PALLD: variants seen among roughly 807,000 people sequenced by gnomAD.
PALLD encodes the protein palladin, cytoskeletal associated protein.
PALLD carries 61 observed loss-of-function variants against 123.5 expected under a neutral mutation model. That is an observed-to-expected ratio of 0.49 (90% CI 0.40 to 0.61). The LOEUF is 0.61. Ranked by LOEUF, PALLD falls within the 20% of genes least tolerant of loss-of-function variation. The pLI is 0.00. For synonymous variants in PALLD, 465 were observed against 496.4 expected, an observed-to-expected ratio of 0.94 and a Z score of 0.84; for missense variants, 1,273 against 1,377.0, an observed-to-expected ratio of 0.92 and a Z score of 1.20.
intron 10 of PALLD, among the ~76,000 whole-genome samples, chr4:168,833,206 T>C (rs1744577179): frequency 6.6e-6 from 1 of 151,986 alleles, no homozygotes; most frequent in African/African-American, 2.4e-5. Context: ...GCTTGGGACC[T>C]TTGCTCTCTT....
chr4:168,804,371 G>C (rs1452841564), intron 10 of PALLD, among the ~76,000 whole-genome samples: 1 of 152,198 alleles, frequency 6.6e-6, no homozygotes, highest in Non-Finnish European at 1.5e-5. Context: ...CAAGGAACAA[G>C]GAACTATAGG....
At chr4:168,863,967 A>T (rs1303906670) in intron 10 of PALLD, 3 of 152,232 alleles carry the variant, frequency 2.0e-5, no homozygotes, top group Non-Finnish European at 4.4e-5. Flanking sequence ...AAGAGATAAG[A>T]TCATGCCTAA....
rs186949859 is a variant in PALLD, at chr4:168,576,931, G to C, written c.908+64519G>C. On this transcript the variant is annotated intron_variant, in intron 2 of 21. Coordinates refer to ENST00000505667, the MANE Select transcript of PALLD (RefSeq NM_001166108.2). The stretch of plus-strand genomic sequence containing the variant: ...ATCATTAAAAAGTCAGGAAAAAACA[G>C]GTGCTGGAGAGGATGTGGAGAAATT... 2.7e-3 allele frequency among the ~76,000 whole-genome samples: 410 copies of C among 152,186 alleles called. 1 individual carries two copies. The highest frequency in any genetic ancestry group is 9.6e-3 in the African/African-American group (397 of 41,534).
rs369209196 is a variant in PALLD at position 168,499,676 on chromosome 4, A to C, written c.-83+2482A>C. Among the ~76,000 whole-genome samples the C allele has an allele frequency of 1.5e-3, 225 of 152,170 alleles. 1 individual carries two copies. Among genetic ancestry groups the C allele is most frequent in the African/African-American group, 4.9e-3 (204 of 41,506 alleles). On this transcript the variant is annotated intron_variant, in intron 1 of 21. Transcript: ENST00000505667. ...CTCCTACCCCTGCCTAAATCCCCCC[A>C]CAGAGGTCAGTGTTGATTGTTTGGT...
chr4:168,852,107 G>A (rs1451012987), intron 10 of PALLD, among the ~76,000 whole-genome samples: 7 of 152,154 alleles, frequency 4.6e-5, no homozygotes. Context: ...CACACCCCTT[G>A]CCCCATGCCA....
chr4:168,614,633 C>T (rs1323523412), intron 2 of PALLD, among the ~76,000 whole-genome samples: 1 of 152,124 alleles, frequency 6.6e-6, no homozygotes, highest in Non-Finnish European at 1.5e-5. Flanking sequence ...TCTCAGTGCT[C>T]ATGTAAACTT....
At chr4:168,715,837 C>G (rs1415446612) in intron 10 of PALLD, among the ~76,000 whole-genome samples, 3 of 152,062 alleles carry the variant, frequency 2.0e-5, no homozygotes, top group Admixed American at 2.0e-4. Context: ...GTAGTCCCAG[C>G]TACTCGGGAG....
intron 10 of PALLD, among the ~76,000 whole-genome samples, chr4:168,889,232 C>T (rs1753817691): frequency 1.3e-5 from 2 of 149,402 alleles, no homozygotes; most frequent in Admixed American, 6.7e-5. Context: ...GGTGCGACCT[C>T]GGCTCACTGC....
rs12644558 is a variant in PALLD at position 168,635,960 on chromosome 4, C to T, written c.909-32230C>T. 7.0e-3 allele frequency among the ~76,000 whole-genome samples: 1,063 copies of T among 152,304 alleles called. 12 individuals carry two copies. Among genetic ancestry groups the T allele is most frequent in the East Asian group, 0.06 (314 of 5,192 alleles). On this transcript the variant is annotated intron_variant, in intron 2 of 21. Transcript: ENST00000505667. ...GGAATTGAGGATCCTGGTTTTGCCA[C>T]TATGTGACCTTGAACCAGCTATTTA... is the stretch of plus-strand genomic sequence containing the variant.
chr4:168,594,988 T>G (rs2149702667), intron 2 of PALLD, among the ~76,000 whole-genome samples: 1 of 152,268 alleles, frequency 6.6e-6, no homozygotes, highest in African/African-American at 2.4e-5. Flanking sequence ...TTCATGTAAA[T>G]GAATTATCTG....
chr4:168,503,519 C>T lies in PALLD; in HGVS notation c.-83+6325C>T, dbSNP rs540370121. Among the ~76,000 whole-genome samples the T allele has an allele frequency of 1.3e-4, 19 of 151,806 alleles. 1 individual carries two copies. The East Asian group carries it at 3.3e-3, about 26-fold the overall frequency. On this transcript the variant is annotated intron_variant, in intron 1 of 21. Transcript: ENST00000505667. ...AAAATTAGCCGGGCATGGTGGTGGG[C>T]GCCTGTAGTCCCAGCTACTCAGGAG...
chr4:168,854,573 A>G (rs1748299233), intron 10 of PALLD, among the ~76,000 whole-genome samples: 3 of 152,194 alleles, frequency 2.0e-5, no homozygotes. Flanking sequence ...GGTCTCAAAG[A>G]GCAAGGGTTC....
At chr4:168,724,582 T>C (rs1786359844) in intron 10 of PALLD, among the ~76,000 whole-genome samples, 2 of 152,256 alleles carry the variant, frequency 1.3e-5, no homozygotes, top group Non-Finnish European at 2.9e-5. Flanking sequence ...TTAGATAGTA[T>C]GTCATTTGAT....
intron 10 of PALLD, among the ~76,000 whole-genome samples, chr4:168,765,256 G>A (rs572169014): frequency 6.6e-6 from 1 of 152,204 alleles, no homozygotes; most frequent in African/African-American, 2.4e-5. Context: ...AAGCGATGAT[G>A]CTGAAGGAGG....
At chr4:168,878,691 G>GT (rs1400419814) in intron 10 of PALLD, among the ~76,000 whole-genome samples, 3 of 149,760 alleles carry the variant, frequency 2.0e-5, no homozygotes, top group East Asian at 2.1e-4. Flanking sequence ...ATGGGGGGGG[G>GT]GGTGCTTAGC....
chr4:168,812,948 A>G (rs1347732886), intron 10 of PALLD, among the ~76,000 whole-genome samples: 1 of 151,332 alleles, frequency 6.6e-6, no homozygotes, highest in African/African-American at 2.4e-5. Context: ...GTGTAGATTC[A>G]TCAGCGAGAT....
At position 168,926,199 on chromosome 4, in the gene PALLD, C is replaced by CTT; in HGVS notation, c.*33-10_*33-9dup. The CTT allele has an allele frequency of 6.6e-7, 1 of 1,504,494 alleles. No homozygotes were observed. The highest frequency in any genetic ancestry group is 8.8e-7 in the Non-Finnish European group (1 of 1,131,048). 93.2% of individuals were successfully genotyped at this position (1,504,494 alleles called of 1,614,324 possible). ...TCTTGATTAAAAATCTTAATTTACT[C>CTT]TTTTTCTTTGTAGCCCAGTGGCATC... On this transcript the variant is annotated splice_polypyrimidine_tract_variant and intron_variant, in intron 21 of 21. Coordinates refer to ENST00000505667, the MANE Select transcript of PALLD (RefSeq NM_001166108.2).
At chr4:168,601,572 C>T (rs1199160909) in intron 2 of PALLD, among the ~76,000 whole-genome samples, 1 of 152,166 alleles carries the variant, frequency 6.6e-6, no homozygotes, top group Admixed American at 6.5e-5. Flanking sequence ...AACTCCATTC[C>T]TCTCTCTGAA....
chr4:168,925,451 T>C, intron 21 of PALLD, 173 bp downstream of exon 21: 3 of 643,580 alleles, frequency 4.7e-6, no homozygotes, highest in South Asian at 3.7e-5. Context: ...GACTGCCTTT[T>C]AACATTTCTT....
Sources: gnomAD v4.1 joint callset for allele counts (sites outside exome capture counted in the v4.1 genomes callset) on GRCh38, gnomAD v4.1.1 for gene constraint, MANE v1.5 for transcripts, NCBI Gene and HGNC (gene_info 2026-07-23, HGNC 2026-07-21) for gene names.